ENOX2: variants seen among roughly 807,000 people sequenced by gnomAD.
ENOX2 encodes ecto-NOX disulfide-thiol exchanger 2, also known as APK1 antigen.
Under a neutral mutation model 45.0 loss-of-function variants are expected in ENOX2, and 36 were observed. That is an observed-to-expected ratio of 0.80 (90% CI 0.61 to 1.06). The LOEUF (loss-of-function observed/expected upper bound fraction) is 1.06, where lower values mean the gene tolerates loss of function less well. Ranked by LOEUF, ENOX2 falls within the 50% of genes least tolerant of loss-of-function variation. The pLI, the probability that ENOX2 is intolerant of heterozygous loss-of-function variation, is 0.00. For synonymous variants in ENOX2, 174 were observed against 152.3 expected (o/e 1.14, Z -1.05); for missense variants, 423 against 462.5 (o/e 0.91, Z 0.78).
chrX:130,783,371 T>C (rs973955763), intron 3 of ENOX2, among the ~76,000 whole-genome samples, 176 bp downstream of exon 3: 22 of 111,764 alleles, frequency 2.0e-4, no homozygotes, highest in Middle Eastern at 4.6e-3. Flanking sequence ...CAGTTATTCG[T>C]GTATGTGCTT....
At position 130,631,483 on chromosome X, in the gene ENOX2, C is replaced by G; in HGVS notation, c.1513G>C (p.Glu505Gln). 1 of 1,180,665 alleles carries G rather than the reference C, an allele frequency of 8.5e-7. No individual in the cohort carries two copies. Reference protein sequence around the residue: ...MNSSPIKSEREALLVGIISTF... With the variant: ...MNSSPIKSERQALLVGIISTF... ...GCTTCCTTACCCACTAGCAGTGCTT[C>G]ACGTTCAGATTTGATAGGACTGCTG... The change falls in exon 13 of 15, where the codon GAA becomes CAA. Residue 505 changes from glutamate to glutamine, a missense_variant. By Grantham distance (29) the Glu-to-Gln change is conservative. Transcript: ENST00000394363.
At chrX:130,901,647 G>A (rs1347295442) in intron 2 of ENOX2, 37 bp downstream of exon 2, 1 of 112,003 alleles carries the variant, frequency 8.9e-6, no homozygotes, top group African/African-American at 3.2e-5. Context: ...TGCAAGACAA[G>A]CTTCTTCTTG....
chrX:130,693,900 G>A (rs2037683386), intron 4 of ENOX2, among the ~76,000 whole-genome samples: 2 of 111,647 alleles, frequency 1.8e-5, no homozygotes, highest in South Asian at 7.5e-4. Flanking sequence ...TCATCCTCAT[G>A]GAAGGCTGAC....
chrX:130,659,634 C>A (rs144076773), intron 9 of ENOX2, among the ~76,000 whole-genome samples: 110 of 112,481 alleles, frequency 9.8e-4, no homozygotes, highest in African/African-American at 3.3e-3. Flanking sequence ...TTGGCAAATT[C>A]GAATATTGTA....
At chrX:130,746,550 C>T (rs1401088500) in intron 3 of ENOX2, among the ~76,000 whole-genome samples, 1 of 111,771 alleles carries the variant, frequency 8.9e-6, no homozygotes, top group African/African-American at 3.3e-5. Context: ...ATTAGTACTG[C>T]TTTTTAAATA....
intron 2 of ENOX2, among the ~76,000 whole-genome samples, chrX:130,886,198 C>T (rs1471422518): frequency 8.9e-6 from 1 of 112,743 alleles, no homozygotes; most frequent in Non-Finnish European, 1.9e-5. Context: ...CACTTCTCCA[C>T]ATCATCTGCA....
intron 2 of ENOX2, among the ~76,000 whole-genome samples, chrX:130,880,683 TAA>T (rs1189782948): frequency 1.8e-5 from 2 of 111,702 alleles, no homozygotes; most frequent in Non-Finnish European, 3.8e-5. Flanking sequence ...CTAAAATGTA[TAA>T]AAGTGTCTAT....
At chrX:130,837,572 T>C (rs2077949045) in intron 2 of ENOX2, among the ~76,000 whole-genome samples, 1 of 111,674 alleles carries the variant, frequency 9.0e-6, no homozygotes, top group Non-Finnish European at 1.9e-5. Flanking sequence ...CCTTGCTTCA[T>C]AAGAACACCC....
chrX:130,815,020 C>T (rs1183144277), intron 2 of ENOX2, among the ~76,000 whole-genome samples: 2 of 111,337 alleles, frequency 1.8e-5, no homozygotes, highest in African/African-American at 6.5e-5. Context: ...TGAGGAATTG[C>T]TAACTAGAAT....
chrX:130,696,749 TCA>T (rs918354511), intron 4 of ENOX2, among the ~76,000 whole-genome samples: 4 of 110,270 alleles, frequency 3.6e-5, no homozygotes, highest in Non-Finnish European at 1.9e-5. Flanking sequence ...AACTAGAATG[TCA>T]CACACACACA....
chrX:130,862,900 C>A (rs1427080054), intron 2 of ENOX2, among the ~76,000 whole-genome samples: 1 of 111,662 alleles, frequency 9.0e-6, no homozygotes, highest in East Asian at 2.8e-4. Context: ...CTTACTCTGA[C>A]CAATTCCTGA....
chrX:130,632,273 C>T (rs1445399821), intron 12 of ENOX2, among the ~76,000 whole-genome samples: 2 of 104,748 alleles, frequency 1.9e-5, no homozygotes, highest in Non-Finnish European at 3.9e-5. Flanking sequence ...CCTGACTTTA[C>T]AGCAAGAAAT....
In ENOX2 at chrX:130,653,518, C is replaced by G. The variant is rs1056010280; in HGVS notation, c.1129+3063G>C. ...CCGACCCTTTTACTCCCTCCCTTCC[C>G]CCCACCATCAAGATGCTTTCTTATC... On this transcript the variant is annotated intron_variant, in intron 10 of 14. Coordinates refer to ENST00000394363, the MANE Select transcript of ENOX2 (RefSeq NM_006375.4). Among the ~76,000 whole-genome samples the G allele has an allele frequency of 2.7e-5, 3 of 111,063 alleles. No homozygotes were observed. The South Asian group carries it at 1.2e-3, about 44-fold the overall frequency.
chrX:130,674,942 A>G, intron 6 of ENOX2, among the ~76,000 whole-genome samples: 1 of 96,639 alleles, frequency 1.0e-5, no homozygotes, highest in Non-Finnish European at 2.1e-5. Flanking sequence ...TACAAAGGAC[A>G]TGAACTCATC....
At chrX:130,768,853 G>A (rs980412885) in intron 3 of ENOX2, among the ~76,000 whole-genome samples, 1 of 111,758 alleles carries the variant, frequency 8.9e-6, no homozygotes, top group African/African-American at 3.3e-5. Context: ...CTAAATTATA[G>A]AGCTATCCTT....
chrX:130,816,374 A>G (rs912912865), intron 2 of ENOX2, among the ~76,000 whole-genome samples: 1 of 111,377 alleles, frequency 9.0e-6, no homozygotes, highest in East Asian at 2.8e-4. Context: ...CAGAAAATTA[A>G]TAAGGATATC....
intron 2 of ENOX2, among the ~76,000 whole-genome samples, chrX:130,846,337 ATTT>A (rs772373264): frequency 1.0e-5 from 1 of 99,792 alleles, no homozygotes; most frequent in Non-Finnish European, 2.1e-5. Context: ...CCATGTGGCA[ATTT>A]TTTTTTTTTT....
At chrX:130,652,288 C>T (rs1236740713) in intron 10 of ENOX2, among the ~76,000 whole-genome samples, 5 of 112,143 alleles carry the variant, frequency 4.5e-5, no homozygotes, top group African/African-American at 1.6e-4. Context: ...CTCAGAACTG[C>T]TTTTTTCTAA....
intron 3 of ENOX2, among the ~76,000 whole-genome samples, chrX:130,760,855 G>T (rs1569498049): frequency 1.1e-5 from 1 of 87,690 alleles, no homozygotes; most frequent in African/African-American, 4.3e-5. Context: ...TTTCTGAGAG[G>T]TTTTTTTTTT....
Sources: allele counts gnomAD v4.1 joint callset (sites outside exome capture counted in the v4.1 genomes callset), GRCh38; gene constraint gnomAD v4.1.1; transcripts MANE v1.5; gene names NCBI Gene and HGNC (gene_info 2026-07-23, HGNC 2026-07-21).